ULK2: variants seen among roughly 807,000 people sequenced by gnomAD.
ULK2 encodes serine/threonine-protein kinase ULK2.
A neutral mutation model predicts 127.5 loss-of-function variants in ULK2; 76 were observed. The observed-to-expected ratio is 0.60, with a 90% CI of 0.50 to 0.72. The LOEUF is 0.72. Among genes scored for constraint, ULK2 ranks in the 30% least tolerant of loss-of-function variants. The pLI, the probability that ULK2 is intolerant of heterozygous loss-of-function variation, is 0.00. For missense variants in ULK2, 1,144 were observed against 1,295.9 expected (o/e 0.88, Z 1.80); for synonymous variants, 452 against 461.9 (o/e 0.98, Z 0.28).
At chr17:19,820,049 A>ATTTTT (rs199698459) in intron 12 of ULK2, among the ~76,000 whole-genome samples, 1 of 49,020 alleles carries the variant, frequency 2.0e-5, no homozygotes. Context: ...CTGCAACTTT[A>ATTTTT]TTTATTTTTT....
At chr17:19,833,253 A>C (rs1416690637) in intron 10 of ULK2, among the ~76,000 whole-genome samples, 1 of 152,216 alleles carries the variant, frequency 6.6e-6, no homozygotes, top group Non-Finnish European at 1.5e-5. Context: ...AAGGCATGCA[A>C]AGCAACAAAG....
At chr17:19,864,059 C>T (rs1450372075) in intron 3 of ULK2, among the ~76,000 whole-genome samples, 1 of 152,170 alleles carries the variant, frequency 6.6e-6, no homozygotes, top group Non-Finnish European at 1.5e-5. Flanking sequence ...GTAATCCCAG[C>T]ACTTTGAGAG....
intron 12 of ULK2, among the ~76,000 whole-genome samples, chr17:19,821,485 T>C (rs773166557): frequency 2.7e-5 from 4 of 149,034 alleles, no homozygotes; most frequent in Non-Finnish European, 4.5e-5. Context: ...TACATGAGAA[T>C]GTAAAAACGA....
intron 26 of ULK2, 31 bp downstream of exon 26, chr17:19,777,550 A>G: frequency 2.5e-6 from 4 of 1,578,930 alleles, no homozygotes; most frequent in Non-Finnish European, 2.6e-6. Flanking sequence ...AAATGAAGTA[A>G]AAAAATACAC....
chr17:19,841,242 C>G (rs902472584), intron 9 of ULK2, among the ~76,000 whole-genome samples: 5 of 152,136 alleles, frequency 3.3e-5, no homozygotes, highest in Non-Finnish European at 7.4e-5. Context: ...ATTACCCTCC[C>G]CACAAGGAAC....
rs919211472 is a variant in ULK2, at chr17:19,785,959, G to A, written c.2229C>T (p.Phe743=). Residue 743 remains phenylalanine (F), a synonymous_variant, in exon 21 of 27, where the codon TTC becomes TTT. Transcript: ENST00000395544. ...SAAAPTCTHM[F]LRTRTTSVGP... is the part of the protein sequence containing the mutation. ...TACCTGAGGTTGTTCTTGTTCGAAG[G>A]AACATGTGGGTACAAGTGGGGGCTG... 6.3e-7 allele frequency: 1 copy of A among 1,593,854 alleles called. No homozygotes were observed. Among genetic ancestry groups the A allele is most frequent in the Non-Finnish European group, 8.5e-7 (1 of 1,171,882 alleles).
chr17:19,856,352 G>C (rs1243180041), intron 3 of ULK2, among the ~76,000 whole-genome samples: 1 of 152,012 alleles, frequency 6.6e-6, no homozygotes. Context: ...GGAGGCCGAG[G>C]CAGGCGGGTC....
At chr17:19,863,953 GTTT>G (rs1363340902) in intron 3 of ULK2, among the ~76,000 whole-genome samples, 1 of 151,996 alleles carries the variant, frequency 6.6e-6, no homozygotes, top group African/African-American at 2.4e-5. Context: ...TAGTGACCTT[GTTT>G]TTAATTTATT....
intron 12 of ULK2, 141 bp from the exon 13 acceptor site, chr17:19,817,061 T>C (rs2041007892): frequency 1.5e-6 from 1 of 665,302 alleles, no homozygotes; most frequent in South Asian, 2.9e-5. Context: ...AAAAAATCTC[T>C]TTGGAAAAGC....
rs534279982 is a variant in ULK2 at position 19,805,851 on chromosome 17, T to C, written c.1158-1021A>G. Among the ~76,000 whole-genome samples the C allele has an allele frequency of 1.7e-3, 255 of 152,338 alleles. 2 individuals carry two copies. The highest frequency in any genetic ancestry group is 6.0e-4 in the Non-Finnish European group (41 of 68,024). ...AAACAACTGTTTATCGTGACTTTTC[T>C]GCATGAGAGAAAACCTTTAAGTGTT... On this transcript the variant is annotated intron_variant, in intron 14 of 26. Transcript: ENST00000395544.
chr17:19,842,234 GT>G lies in ULK2; in HGVS notation c.646-688del, dbSNP rs2041780698. 3.3e-5 allele frequency among the ~76,000 whole-genome samples: 3 copies of G among 90,060 alleles called. No homozygotes were observed. The Admixed American group carries it at 5.3e-4, about 16-fold the overall frequency. 59.1% of individuals were successfully genotyped at this position (90,060 alleles called of 152,430 possible). A position where few individuals can be genotyped will look rare whatever the true frequency, so the allele number is the denominator to read the frequency against. ...TTTTTTGAGACAGAGTTTCGCTCTT[GT>G]TGCCCAGGCTGGAGTGCAATGGTGT... On this transcript the variant is annotated intron_variant, in intron 8 of 26. Coordinates refer to ENST00000395544, the MANE Select transcript of ULK2 (RefSeq NM_014683.4).
At chr17:19,779,531 C>CAAA (rs55957234) in intron 25 of ULK2, among the ~76,000 whole-genome samples, 9 of 67,980 alleles carry the variant, frequency 1.3e-4, no homozygotes, top group East Asian at 1.1e-3. Context: ...AACTCCATCT[C>CAAA]AAAAAAAAAA....
intron 13 of ULK2, among the ~76,000 whole-genome samples, chr17:19,814,743 A>G (rs1597753214): frequency 6.6e-6 from 1 of 151,818 alleles, no homozygotes; most frequent in African/African-American, 2.4e-5. Context: ...AAAGAATCTC[A>G]CTATGTTGCC....
chr17:19,852,273 G>A (rs2042033547), intron 3 of ULK2, among the ~76,000 whole-genome samples: 1 of 151,892 alleles, frequency 6.6e-6, no homozygotes, highest in South Asian at 2.1e-4. Flanking sequence ...TGTAATCCCA[G>A]CACTTTGGGA....
chr17:19,819,587 T>C (rs1395034640), intron 12 of ULK2, among the ~76,000 whole-genome samples: 1 of 152,210 alleles, frequency 6.6e-6, no homozygotes, highest in Non-Finnish European at 1.5e-5. Context: ...TTCTCTCTGA[T>C]GAGCTCTAGA....
At position 19,851,170 on chromosome 17, in the gene ULK2, A is replaced by T. The variant is rs966708890; in HGVS notation, c.226-1396T>A. ...TCTAATAAAAATACCAAAAAAAAAA[A>T]AAAAAAATTAGCCAGGCATGGTGGC... On this transcript the variant is annotated intron_variant, in intron 3 of 26. Transcript: ENST00000395544. 2.5e-4 allele frequency among the ~76,000 whole-genome samples: 36 copies of T among 146,720 alleles called. 1 individual carries two copies. The highest frequency in any genetic ancestry group is 8.6e-4 in the African/African-American group (34 of 39,674).
At chr17:19,807,818 G>C (rs926589136) in intron 14 of ULK2, among the ~76,000 whole-genome samples, 1 of 152,194 alleles carries the variant, frequency 6.6e-6, no homozygotes, top group Non-Finnish European at 1.5e-5. Flanking sequence ...CAAGGTACCA[G>C]TGCTACTCAA....
At position 19,846,845 on chromosome 17, in the gene ULK2, T is replaced by C. The variant is rs374630893; in HGVS notation, c.361A>G (p.Ile121Val). ...TGGATGATTCCTTTGCTGTGCAGGA[T>C]TCGCATGGCAGCAGCAATCTGATGC... is the stretch of plus-strand genomic sequence containing the variant. ...FLHQIAAAMR[I>V]LHSKGIIHRD... Residue 121 changes from isoleucine to valine, a missense_variant, in exon 6 of 27, where the codon ATC (isoleucine) becomes GTC (valine). Ile to Val is a conservative substitution (Grantham distance 29). This residue lies in a region of ULK2 where 231 missense variants were observed against 325.4 expected (regional missense o/e 0.71). Coordinates refer to ENST00000395544, the MANE Select transcript of ULK2 (RefSeq NM_014683.4). The C allele has an allele frequency of 3.7e-6, 6 of 1,613,938 alleles. No individual in the cohort carries two copies. Among genetic ancestry groups the C allele is most frequent in the Non-Finnish European group, 5.1e-6 (6 of 1,179,988 alleles).
intron 10 of ULK2, among the ~76,000 whole-genome samples, chr17:19,833,346 T>C (rs1428985002): frequency 7.1e-6 from 1 of 139,974 alleles, no homozygotes; most frequent in East Asian, 2.0e-4. Flanking sequence ...ACAAAGACTT[T>C]AAAGCAGTTA....
Sources: allele counts gnomAD v4.1 joint callset (sites outside exome capture counted in the v4.1 genomes callset), GRCh38; gene constraint gnomAD v4.1.1; regional missense constraint gnomAD v4.1.1; transcripts MANE v1.5; gene names NCBI Gene and HGNC (gene_info 2026-07-23, HGNC 2026-07-21).